The following CACNA1A variants were observed in gnomAD, a reference collection of about 807,000 sequenced individuals.
The protein encoded by CACNA1A is voltage-dependent P/Q-type calcium channel subunit alpha-1A.
Under a neutral mutation model 262.4 loss-of-function variants are expected in CACNA1A, and 57 were observed. The ratio of observed to expected loss-of-function variants is 0.22; its 90% CI spans 0.18 to 0.27. The LOEUF (loss-of-function observed/expected upper bound fraction) is 0.27, where lower values mean the gene tolerates loss of function less well. Among genes scored for constraint, CACNA1A ranks in the 10% least tolerant of loss-of-function variants. The pLI is 1.00. For missense variants in CACNA1A, 2,526 were observed against 3,562.8 expected (o/e 0.71, Z 7.41); for synonymous variants, 1,431 against 1,419.3 (o/e 1.01, Z -0.18).
chr19:13,289,543 T>C (rs1475455262), intron 19 of CACNA1A, among the ~76,000 whole-genome samples: 1 of 151,964 alleles, frequency 6.6e-6, no homozygotes, highest in Admixed American at 6.6e-5. Flanking sequence ...ATAACAGGAG[T>C]AGAACCTTCC....
rs780467849 is a variant in CACNA1A, at chr19:13,208,923, G to A, written c.6613C>T (p.Arg2205Trp). The A allele has an allele frequency of 1.3e-5, 20 of 1,537,206 alleles. No homozygotes were observed. The highest frequency in any genetic ancestry group is 1.2e-4 in the South Asian group (10 of 84,060). The change falls in exon 46 of 47, where the codon CGG (arginine) becomes TGG (tryptophan). Residue 2205 changes from arginine to tryptophan, a missense_variant. By Grantham distance (101) the Arg-to-Trp change is moderately radical. This residue lies in a region of CACNA1A where 929 missense variants were observed against 868.1 expected (regional missense o/e 1.07). Coordinates refer to ENST00000360228, the MANE Select transcript of CACNA1A (RefSeq NM_001127222.2). ...TGGTGGTGGTGCTGTCGATGCTTCC[G>A]ATCCTTGGGCCGGCCCCGCTCCTGG... ...RDQERGRPKD[R>W]KHRQHHHHHH...
chr19:13,254,987 C>T (rs1015785900), intron 29 of CACNA1A, 108 bp downstream of exon 29: 21 of 1,155,262 alleles, frequency 1.8e-5, no homozygotes, highest in African/African-American at 1.1e-4. Flanking sequence ...CAGAGGTGAT[C>T]CAGAGTGTGG....
chr19:13,264,000 C>T (rs1042922507), intron 24 of CACNA1A, among the ~76,000 whole-genome samples: 2 of 152,168 alleles, frequency 1.3e-5, no homozygotes, highest in Non-Finnish European at 2.9e-5. Flanking sequence ...TTTTCAGATG[C>T]TGATGTGGCT....
chr19:13,456,654 A>G (rs2061015093), intron 1 of CACNA1A, among the ~76,000 whole-genome samples: 2 of 152,350 alleles, frequency 1.3e-5, no homozygotes, highest in African/African-American at 2.4e-5. Context: ...AGCCTGGGCG[A>G]CAGAGCGAGA....
chr19:13,214,642 T>A lies in CACNA1A; in HGVS notation c.5732-34A>T. On this transcript the variant is annotated intron_variant, in intron 38 of 46. Transcript: ENST00000360228. This position sits in a 1 kb window ranked among gnomAD's most constrained non-coding sequence, Gnocchi z 4.1. The stretch of plus-strand genomic sequence containing the variant: ...GGGGTGTAGACAGACCCTGACTGCC[T>A]GCCTGGGTGTCAGCTGGACTCTGGG... The A allele has an allele frequency of 6.6e-7, 1 of 1,511,630 alleles. No individual in the cohort carries two copies. Among genetic ancestry groups the A allele is most frequent in the Non-Finnish European group, 9.2e-7 (1 of 1,091,694 alleles). The allele number at this position is 1,511,630 out of a possible 1,614,324, so 93.6% of individuals were successfully genotyped here.
chr19:13,322,736 C>T (rs879323281), intron 10 of CACNA1A, among the ~76,000 whole-genome samples: 2 of 152,088 alleles, frequency 1.3e-5, no homozygotes, highest in East Asian at 1.9e-4. Context: ...GCTGGGACTA[C>T]AGGTGTGCAC....
At chr19:13,424,475 T>A (rs2060367752) in intron 3 of CACNA1A, among the ~76,000 whole-genome samples, 1 of 152,194 alleles carries the variant, frequency 6.6e-6, no homozygotes, top group African/African-American at 2.4e-5. Context: ...TATTTATTTT[T>A]ATGTTTTAGA....
chr19:13,386,742 G>A lies in CACNA1A; in HGVS notation c.540-14963C>T, dbSNP rs549382607. On this transcript the variant is annotated intron_variant, in intron 3 of 46. Coordinates refer to ENST00000360228, the MANE Select transcript of CACNA1A (RefSeq NM_001127222.2). ...CAGGAGGCAGAGGTTGCAGTGAGCCGAGATCATGCCACTGCACTCCAGCCT... is the reference window on the plus strand; with the variant it reads ...CAGGAGGCAGAGGTTGCAGTGAGCCAAGATCATGCCACTGCACTCCAGCCT... Among the ~76,000 whole-genome samples the A allele has an allele frequency of 5.3e-5, 8 of 152,094 alleles. No homozygotes were observed. The East Asian group carries it at 9.8e-4, about 19-fold the overall frequency.
chr19:13,465,571 G>A (rs891778192), intron 1 of CACNA1A, among the ~76,000 whole-genome samples: 26 of 151,964 alleles, frequency 1.7e-4, no homozygotes, highest in Admixed American at 7.9e-4. Flanking sequence ...TGCAGCCTCG[G>A]CCTCCTGGGC....
chr19:13,459,755 C>T (rs1599304713), intron 1 of CACNA1A, among the ~76,000 whole-genome samples: 1 of 152,244 alleles, frequency 6.6e-6, no homozygotes, highest in Admixed American at 6.5e-5. Flanking sequence ...TCCTCCGGTT[C>T]CCTGGTCTCC....
At chr19:13,222,855 C>T (rs1031798154) in intron 38 of CACNA1A, among the ~76,000 whole-genome samples, 8 of 151,682 alleles carry the variant, frequency 5.3e-5, no homozygotes, top group African/African-American at 1.5e-4. Flanking sequence ...CCATGACACC[C>T]GGCTACTTTT....
intron 1 of CACNA1A, among the ~76,000 whole-genome samples, chr19:13,456,237 G>GA (rs1298651669): frequency 2.6e-5 from 4 of 152,064 alleles, no homozygotes; most frequent in Non-Finnish European, 5.9e-5. Context: ...ATCCACAGAA[G>GA]AAAAAACAGA....
At chr19:13,209,163 G>T in intron 45 of CACNA1A, 149 bp downstream of exon 45, 2 of 1,315,856 alleles carry the variant, frequency 1.5e-6, no homozygotes, top group South Asian at 1.4e-5. Context: ...GTAGTACCCA[G>T]GTTCCTGCAG....
chr19:13,419,536 G>A lies in CACNA1A; in HGVS notation c.539+33340C>T, dbSNP rs116206471. Among the ~76,000 whole-genome samples the A allele has an allele frequency of 3.4e-3, 524 of 152,152 alleles. 4 individuals carry two copies. Among genetic ancestry groups the A allele is most frequent in the African/African-American group, 0.012 (497 of 41,528 alleles). ...TACAAGAAATTTAAAAATTAGCCAG[G>A]TGTGGTGGCATGCATCTGTGGTTCC... On this transcript the variant is annotated intron_variant, in intron 3 of 46. Coordinates refer to ENST00000360228, the MANE Select transcript of CACNA1A (RefSeq NM_001127222.2).
chr19:13,482,848 T>TTGTGTGTGTGTGTG (rs34754803), intron 1 of CACNA1A, among the ~76,000 whole-genome samples: 13 of 133,924 alleles, frequency 9.7e-5, no homozygotes, highest in Admixed American at 1.5e-4. Context: ...TTCTCTCAAC[T>TTGTGTGTGTGTGTG]TGTGTGTGTG....
intron 22 of CACNA1A, among the ~76,000 whole-genome samples, chr19:13,278,141 G>A (rs1483207335): frequency 1.3e-5 from 2 of 149,566 alleles, no homozygotes; most frequent in East Asian, 3.9e-4. Context: ...GAGCATTACT[G>A]AACATGGCCA....
At chr19:13,210,810 G>T in intron 43 of CACNA1A, 158 bp from the exon 44 acceptor site, 1 of 797,568 alleles carries the variant, frequency 1.3e-6, no homozygotes, top group Non-Finnish European at 2.1e-6. Context: ...AGGCAGGGAG[G>T]AAAAGAAAAG....
At chr19:13,426,243 A>C (rs1024696389) in intron 3 of CACNA1A, among the ~76,000 whole-genome samples, 1 of 152,220 alleles carries the variant, frequency 6.6e-6, no homozygotes, top group African/African-American at 2.4e-5. Flanking sequence ...AATTCTTCGC[A>C]TATTATGGGC....
chr19:13,212,298 GGT>G lies in CACNA1A; in HGVS notation c.6189+84_6190-83del, dbSNP rs960424337. ...GTGTCTGCAGAGGGAGGGAGCTGCA[GGT>G]GTGTGTGTGTGGGGGGCCCAGATCC... On this transcript the variant is annotated intron_variant, in intron 42 of 46. Transcript: ENST00000360228. The surrounding 1 kb of genome is among the most constrained non-coding windows in gnomAD (Gnocchi z 5.6). 2.1e-5 allele frequency: 33 copies of G among 1,562,756 alleles called. No homozygotes were observed. The Admixed American group carries it at 2.7e-4, about 13-fold the overall frequency.
Sources: gnomAD v4.1 joint callset for allele counts (sites outside exome capture counted in the v4.1 genomes callset) on GRCh38, gnomAD v4.1.1 for gene constraint, gnomAD v4.1.1 regional missense constraint, Gnocchi (gnomAD v3.1) non-coding constraint, MANE v1.5 for transcripts, NCBI Gene and HGNC (gene_info 2026-07-23, HGNC 2026-07-21) for gene names.